CDYL2: variants seen among roughly 807,000 people sequenced by gnomAD.
CDYL2 encodes chromodomain Y-like protein 2.
In CDYL2, 23 loss-of-function variants were observed where a neutral mutation model predicts 49.4. The observed-to-expected ratio is 0.47, with a 90% CI of 0.34 to 0.66. CDYL2 has a LOEUF of 0.66. CDYL2 is among the 30% of genes least tolerant of loss of function. The pLI is 0.01. For synonymous variants in CDYL2, 360 were observed against 268.8 expected, an observed-to-expected ratio of 1.34 and a Z score of -3.32; for missense variants, 678 against 656.4, an observed-to-expected ratio of 1.03 and a Z score of -0.36.
intron 2 of CDYL2, among the ~76,000 whole-genome samples, chr16:80,672,352 C>CACAGAGAG (rs68130206): frequency 0.022 from 2,614 of 117,698 alleles, 39 homozygotes; most frequent in African/African-American, 0.041. Flanking sequence ...CACACACACA[C>CACAGAGAG]AGAGAGAGAG....
At chr16:80,669,343 C>T (rs1909402314) in intron 2 of CDYL2, among the ~76,000 whole-genome samples, 1 of 152,070 alleles carries the variant, frequency 6.6e-6, no homozygotes, top group South Asian at 2.1e-4. Flanking sequence ...GACTCAGAGG[C>T]CCCACGGACC....
chr16:80,685,239 C>G (rs1474052058), intron 1 of CDYL2, 110 bp from the exon 2 acceptor site: 1 of 819,844 alleles, frequency 1.2e-6, no homozygotes, highest in African/African-American at 1.7e-5. Context: ...TCTACCCTAG[C>G]CAGGGGGTGA....
chr16:80,752,034 A>T (rs1371301635), intron 1 of CDYL2, among the ~76,000 whole-genome samples: 1 of 152,220 alleles, frequency 6.6e-6, no homozygotes, highest in Non-Finnish European at 1.5e-5. Flanking sequence ...CAGAAGATAT[A>T]AATACTAGAA....
rs1156904467 is a variant in CDYL2 at position 80,600,782 on chromosome 16, A to C, written c.*3606T>G. On this transcript the variant is annotated 3_prime_UTR_variant, in exon 7 of 7. Coordinates refer to ENST00000570137, the MANE Select transcript of CDYL2 (RefSeq NM_152342.4). ...ATTTAATGGATGTGACTAAATTCCA[A>C]ATAAAAAAAAAGTTTACAAAATTTT... 1 of 118,312 alleles carries C rather than the reference A, an allele frequency of 8.5e-6. No homozygotes were observed. Among genetic ancestry groups the C allele is most frequent in the Non-Finnish European group, 1.6e-5 (1 of 62,108 alleles). The allele number at this position is 118,312 out of a possible 1,614,324, so 7.3% of individuals were successfully genotyped here.
chr16:80,639,588 C>T (rs192940537), intron 2 of CDYL2: 1 of 436,542 alleles, frequency 2.3e-6, no homozygotes. Context: ...TACCCTCCCC[C>T]CTGCAAGGAC....
intron 2 of CDYL2, among the ~76,000 whole-genome samples, chr16:80,682,204 C>A (rs1909994254): frequency 6.6e-6 from 1 of 152,132 alleles, no homozygotes; most frequent in Non-Finnish European, 1.5e-5. Context: ...AGCAAAAGGG[C>A]CCTTTTGAAA....
chr16:80,745,215 T>A (rs1397564256), intron 1 of CDYL2, among the ~76,000 whole-genome samples: 11 of 152,292 alleles, frequency 7.2e-5, no homozygotes, highest in Non-Finnish European at 1.5e-4. Flanking sequence ...TGCAGGGGCC[T>A]GAGGGTTTTT....
intron 4 of CDYL2, among the ~76,000 whole-genome samples, chr16:80,614,421 C>T (rs965631033): frequency 2.6e-5 from 4 of 152,124 alleles, no homozygotes; most frequent in Admixed American, 1.3e-4. Flanking sequence ...AGACATTTGC[C>T]GAGCCACAAG....
chr16:80,666,054 G>A (rs544060281), intron 2 of CDYL2, among the ~76,000 whole-genome samples: 8 of 152,292 alleles, frequency 5.3e-5, no homozygotes, highest in Non-Finnish European at 4.4e-5. Flanking sequence ...CAAAGGAGAA[G>A]AGAAATGAAG....
chr16:80,759,150 A>ATAT lies in CDYL2; in HGVS notation c.24+44999_24+45000insATA, dbSNP rs1211358459. ...TATATATATATATATGGTTTATATA[A>ATAT]ATATATGGTTTATATATATATATAT... On this transcript the variant is annotated intron_variant, in intron 1 of 6. Transcript: ENST00000570137. 2.2e-3 allele frequency among the ~76,000 whole-genome samples: 180 copies of ATAT among 80,792 alleles called. 2 individuals carry two copies. The highest frequency in any genetic ancestry group is 3.0e-3 in the Non-Finnish European group (124 of 41,648). 53.0% of individuals were successfully genotyped at this position (80,792 alleles called of 152,430 possible).
chr16:80,713,637 C>T (rs1904696588), intron 1 of CDYL2, among the ~76,000 whole-genome samples: 1 of 152,190 alleles, frequency 6.6e-6, no homozygotes, highest in Admixed American at 6.5e-5. Flanking sequence ...CTCCTGTCTT[C>T]TAATAATGTG....
chr16:80,697,155 T>C (rs1472673289), intron 1 of CDYL2, among the ~76,000 whole-genome samples: 3 of 152,296 alleles, frequency 2.0e-5, no homozygotes, highest in South Asian at 2.1e-4. Context: ...CTGATGAACG[T>C]AGATGCAAAA....
At chr16:80,656,786 C>G (rs1211410001) in intron 2 of CDYL2, among the ~76,000 whole-genome samples, 1 of 152,154 alleles carries the variant, frequency 6.6e-6, no homozygotes, top group African/African-American at 2.4e-5. Context: ...AGGCACAACA[C>G]TGACACAAAG....
At chr16:80,639,784 G>A (rs1473093541) in intron 2 of CDYL2, 3 of 454,592 alleles carry the variant, frequency 6.6e-6, no homozygotes, top group Non-Finnish European at 1.3e-5. Flanking sequence ...GTGTGGTATG[G>A]AAAGCACGTT....
intron 1 of CDYL2, among the ~76,000 whole-genome samples, chr16:80,732,665 G>A (rs1041403485): frequency 6.6e-6 from 1 of 152,122 alleles, no homozygotes; most frequent in African/African-American, 2.4e-5. Flanking sequence ...TAAAATACCT[G>A]AAATAACTAA....
At chr16:80,627,389 C>T (rs1047472871) in intron 3 of CDYL2, among the ~76,000 whole-genome samples, 5 of 152,150 alleles carry the variant, frequency 3.3e-5, no homozygotes, top group African/African-American at 4.8e-5. Context: ...TTACCTACTT[C>T]TCAATTCGTT....
intron 2 of CDYL2, among the ~76,000 whole-genome samples, chr16:80,666,251 A>G (rs1909257760): frequency 6.6e-6 from 1 of 152,196 alleles, no homozygotes; most frequent in South Asian, 2.1e-4. Flanking sequence ...CTTCGCCTCT[A>G]TGCTACCTGC....
chr16:80,727,739 C>T (rs1905210099), intron 1 of CDYL2, among the ~76,000 whole-genome samples: 1 of 152,220 alleles, frequency 6.6e-6, no homozygotes, highest in Admixed American at 6.5e-5. Flanking sequence ...TCCCAGCACG[C>T]AGCGGGAGAT....
intron 2 of CDYL2, chr16:80,639,594 A>G: frequency 2.3e-6 from 1 of 440,932 alleles, no homozygotes; most frequent in East Asian, 7.0e-5. Context: ...CCCCCCTGCA[A>G]GGACATCAAA....
Sources: allele counts gnomAD v4.1 joint callset (sites outside exome capture counted in the v4.1 genomes callset), GRCh38; gene constraint gnomAD v4.1.1; transcripts MANE v1.5; gene names NCBI Gene and HGNC (gene_info 2026-07-23, HGNC 2026-07-21).